HMCN1: variants seen among roughly 807,000 people sequenced by gnomAD.
HMCN1 encodes the protein hemicentin 1.
Under a neutral mutation model 625.9 loss-of-function variants are expected in HMCN1, and 321 were observed. The observed-to-expected ratio is 0.51, with a 90% CI of 0.47 to 0.56. The LOEUF is 0.56. Ranked by LOEUF, HMCN1 falls within the 20% of genes least tolerant of loss-of-function variation. HMCN1 has a pLI of 0.00. For synonymous variants in HMCN1, 2,425 were observed against 2,417.6 expected (o/e 1.00, Z -0.09); for missense variants, 6,588 against 6,887.3 (o/e 0.96, Z 1.54).
At position 186,093,545 on chromosome 1, in the gene HMCN1, A is replaced by C; in HGVS notation, c.10072A>C (p.Thr3358Pro). The C allele has an allele frequency of 6.2e-7, 1 of 1,613,434 alleles. No homozygotes were observed. Among genetic ancestry groups the C allele is most frequent in the Non-Finnish European group, 8.5e-7 (1 of 1,179,596 alleles). ...AGAGAAACTAATGACTTTAGTGGAT[A>C]CTTCAATAAATATTGAATGCAGAGC... ...EAEKLMTLVD[T>P]SINIECRATG... is the part of the protein sequence containing the mutation. Residue 3358 changes from threonine to proline, a missense_variant, in exon 66 of 107, where the codon ACT (threonine) becomes CCT (proline). Coordinates refer to ENST00000271588, the MANE Select transcript of HMCN1 (RefSeq NM_031935.3).
At chr1:186,086,853 TAGA>T (rs1659526588) in intron 58 of HMCN1, among the ~76,000 whole-genome samples, 1 of 140,976 alleles carries the variant, frequency 7.1e-6, no homozygotes, top group East Asian at 2.1e-4. Flanking sequence ...GATAGATAGA[TAGA>T]TAGATAGATA....
intron 65 of HMCN1, 59 bp downstream of exon 65, chr1:186,093,317 G>C (rs1659948196): frequency 1.2e-6 from 2 of 1,607,214 alleles, no homozygotes; most frequent in African/African-American, 1.3e-5. Context: ...ACCAGTAGAA[G>C]TGAAGGCCCA....
chr1:186,153,642 T>C (rs762416244), intron 96 of HMCN1, 108 bp from the exon 97 acceptor site: 26 of 884,914 alleles, frequency 2.9e-5, no homozygotes, highest in Non-Finnish European at 5.0e-5. Context: ...TGTGTGTTTT[T>C]TAGCTCCTAA....
At chr1:185,990,227 T>C in intron 21 of HMCN1, 48 bp from the exon 22 acceptor site, 1 of 1,533,998 alleles carries the variant, frequency 6.5e-7, no homozygotes, top group Non-Finnish European at 9.0e-7. Context: ...TAAACTGTGC[T>C]TTGTTTTCAA....
chr1:185,806,548 A>C (rs1178597454), intron 1 of HMCN1, among the ~76,000 whole-genome samples: 5 of 1,574 alleles, frequency 3.2e-3, no homozygotes, highest in Non-Finnish European at 0.02. Flanking sequence ...CCCTGTCTCA[A>C]AAAAAAAAAA....
chr1:185,779,386 A>G (rs1571338662), intron 1 of HMCN1, among the ~76,000 whole-genome samples: 4 of 152,216 alleles, frequency 2.6e-5, no homozygotes, highest in Non-Finnish European at 5.9e-5. Flanking sequence ...TTTTGTTGCC[A>G]TTGCTTTTGG....
chr1:185,767,538 C>T (rs143284902), intron 1 of HMCN1, among the ~76,000 whole-genome samples: 153 of 152,254 alleles, frequency 1.0e-3, no homozygotes, highest in African/African-American at 3.6e-3. Flanking sequence ...GCTGATTTAA[C>T]AGTAACACAA....
intron 25 of HMCN1, among the ~76,000 whole-genome samples, chr1:185,999,816 A>T (rs183876490): frequency 1.1e-3 from 171 of 152,248 alleles, no homozygotes; most frequent in African/African-American, 4.0e-3. Flanking sequence ...GATAAAAACA[A>T]CTTTGTTCAA....
At chr1:185,989,463 C>T (rs750489071) in intron 20 of HMCN1, 25 bp from the exon 21 acceptor site, 1 of 1,613,102 alleles carries the variant, frequency 6.2e-7, no homozygotes, top group South Asian at 1.1e-5. Context: ...ACAAAAAACC[C>T]TTTGCTTTTC....
rs140136052 is a variant in HMCN1, at chr1:185,806,114, T to A, written c.269-39912T>A. Among the ~76,000 whole-genome samples, 313 of 152,134 alleles carry A rather than the reference T, an allele frequency of 2.1e-3. 2 individuals carry two copies. The highest frequency in any genetic ancestry group is 7.0e-3 in the African/African-American group (291 of 41,542). On this transcript the variant is annotated intron_variant, in intron 1 of 106. Coordinates refer to ENST00000271588, the MANE Select transcript of HMCN1 (RefSeq NM_031935.3). Reference sequence around the variant, plus strand: ...TAATAGGTAACTTTTATTAAGAGCTTGTTACATATTATAGTTCTAAGTTCT... The same window carrying A: ...TAATAGGTAACTTTTATTAAGAGCTAGTTACATATTATAGTTCTAAGTTCT...
Position 185,910,760 on chromosome 1 carries a change from AG to A in HMCN1, c.794-911del, listed in dbSNP as rs370155259. Among the ~76,000 whole-genome samples the A allele has an allele frequency of 8.9e-4, 135 of 151,948 alleles. 1 individual carries two copies. The highest frequency in any genetic ancestry group is 4.1e-4 in the South Asian group (2 of 4,820). On this transcript the variant is annotated intron_variant, in intron 5 of 106. Coordinates refer to ENST00000271588, the MANE Select transcript of HMCN1 (RefSeq NM_031935.3). The stretch of plus-strand genomic sequence containing the variant: ...TAATTTTTGTATTTTTAGTAGAGAC[AG>A]GGTTTCACCATGTTGGTCAGGCTGG...
chr1:185,993,390 A>G, intron 23 of HMCN1, 81 bp downstream of exon 23: 1 of 1,524,214 alleles, frequency 6.6e-7, no homozygotes, highest in Admixed American at 1.7e-5. Context: ...TTTGATAGTT[A>G]ATTTCCAAAT....
rs753705322 is a variant in HMCN1 at position 186,103,477 on chromosome 1, C to A, written c.10579C>A (p.Pro3527Thr). The A allele has an allele frequency of 1.2e-6, 2 of 1,611,772 alleles. No homozygotes were observed. Among genetic ancestry groups the A allele is most frequent in the South Asian group, 2.2e-5 (2 of 91,044 alleles). Residue 3527 changes from proline (P) to threonine (T), a missense_variant, in exon 69 of 107, where the codon CCT (proline) becomes ACT (threonine). Pro to Thr is a conservative substitution (Grantham distance 38). Coordinates refer to ENST00000271588, the MANE Select transcript of HMCN1 (RefSeq NM_031935.3). ...KHFILKVLEPPHINGSEEHEE... is the reference protein window; with the variant it reads ...KHFILKVLEPTHINGSEEHEE... ...TTTTGATTCCCTTTAAATAGAACCA[C>A]CTCACATTAATGGATCTGAAGAACA...
chr1:185,930,084 C>T (rs776646897), intron 10 of HMCN1, among the ~76,000 whole-genome samples: 38 of 152,150 alleles, frequency 2.5e-4, no homozygotes, highest in Non-Finnish European at 3.1e-4. Flanking sequence ...TTGGGCTTGA[C>T]GGTGTCAGGA....
At chr1:185,978,940 C>T (rs1181325757) in intron 16 of HMCN1, among the ~76,000 whole-genome samples, 1 of 152,138 alleles carries the variant, frequency 6.6e-6, no homozygotes, top group Non-Finnish European at 1.5e-5. Context: ...ATCGTCTTCC[C>T]AAAGTACTGG....
At chr1:185,897,422 C>A (rs939248997) in intron 4 of HMCN1, among the ~76,000 whole-genome samples, 1 of 152,148 alleles carries the variant, frequency 6.6e-6, no homozygotes, top group Non-Finnish European at 1.5e-5. Context: ...GTAAGATCTG[C>A]CATCCAGCAC....
Position 185,997,460 on chromosome 1 carries a change from A to T in HMCN1, c.3810A>T (p.Pro1270=). The T allele has an allele frequency of 1.2e-6, 2 of 1,612,646 alleles. No homozygotes were observed. Among genetic ancestry groups the T allele is most frequent in the Non-Finnish European group, 1.7e-6 (2 of 1,179,026 alleles). ...EPPTVEDLEP[P]YNTTFQERVA... Reference sequence around the variant, plus strand: ...CCACAGTGGAAGATCTAGAACCTCCATATAACACTACTTTCCAAGAAAGAG... The same window carrying T: ...CCACAGTGGAAGATCTAGAACCTCCTTATAACACTACTTTCCAAGAAAGAG... Residue 1270 remains proline (P), a synonymous_variant, in exon 25 of 107, where the codon CCA becomes CCT. Transcript: ENST00000271588.
At chr1:185,948,522 GC>G (rs1426128533) in intron 11 of HMCN1, among the ~76,000 whole-genome samples, 3 of 151,486 alleles carry the variant, frequency 2.0e-5, no homozygotes, top group African/African-American at 7.3e-5. Flanking sequence ...GCCAGGATGA[GC>G]CAGGAAAAGG....
At chr1:185,818,251 A>G (rs58135888) in intron 1 of HMCN1, among the ~76,000 whole-genome samples, 1 of 152,164 alleles carries the variant, frequency 6.6e-6, no homozygotes, top group Non-Finnish European at 1.5e-5. Flanking sequence ...TGCCCCTAAA[A>G]ACTTCACATG....
Sources: gnomAD v4.1 joint callset for allele counts (sites outside exome capture counted in the v4.1 genomes callset) on GRCh38, gnomAD v4.1.1 for gene constraint, MANE v1.5 for transcripts, NCBI Gene and HGNC (gene_info 2026-07-23, HGNC 2026-07-21) for gene names.